Variants in HMSD observed in about 807,000 individuals in gnomAD.
The protein encoded by HMSD is serpin-like protein HMSD.
HMSD carries 13 observed loss-of-function variants against 10.0 expected under a neutral mutation model. The ratio of observed to expected loss-of-function variants is 1.31; its 90% confidence interval spans 0.85 to 2.08. The LOEUF (loss-of-function observed/expected upper bound fraction) is 2.08. Ranked by LOEUF, HMSD falls within the 30% of genes most tolerant of loss-of-function variation. The probability of loss-of-function intolerance (pLI) is 0.00; values close to 1 mark genes in which losing one functional copy is unlikely to be tolerated. For synonymous variants in HMSD, 51 were observed against 54.2 expected (o/e 0.94, Z 0.26); for missense variants, 169 against 166.3 (o/e 1.02, Z -0.09).
chr18:63,961,330 C>T lies in HMSD; in HGVS notation c.*975C>T, dbSNP rs1338969114. On this transcript the variant is annotated 3_prime_UTR_variant, in exon 4 of 4. Coordinates refer to ENST00000408945, the MANE Select transcript of HMSD (RefSeq NM_001123366.2). ...GACTTTAGCCATGTAAATCATAAAA[C>T]ATAGAGATAACAATATGCATATTGT... 1 of 151,986 alleles carries T rather than the reference C, an allele frequency of 6.6e-6. No homozygotes were observed. The highest frequency in any genetic ancestry group is 6.5e-5 in the Admixed American group (1 of 15,282). The allele number at this position is 151,986 out of a possible 1,614,324, so 9.4% of individuals were successfully genotyped here.
At chr18:63,968,059 C>G (rs2050417985) in intron 3 of HMSD, 1 of 152,216 alleles carries the variant, frequency 6.6e-6, no homozygotes, top group Non-Finnish European at 1.5e-5. Context: ...TTGGATTCAT[C>G]TTTGATTCTT....
rs1223022779 is a variant in HMSD, at chr18:63,961,557, C to G, written c.*1202C>G. ...CCTATTCACCCACTGAGCAGGAAGG[C>G]TCTTCCCCCTTCTAAGTTCCCTTAC... is the stretch of plus-strand genomic sequence containing the variant. On this transcript the variant is annotated 3_prime_UTR_variant, in exon 4 of 4. Coordinates refer to ENST00000408945, the MANE Select transcript of HMSD (RefSeq NM_001123366.2). The G allele has an allele frequency of 2.0e-5, 3 of 152,328 alleles. No individual in the cohort carries two copies. The highest frequency in any genetic ancestry group is 7.2e-5 in the African/African-American group (3 of 41,470). The allele number at this position is 152,328 out of a possible 1,614,324, so 9.4% of individuals were successfully genotyped here.
At chr18:63,955,793 A>C (rs1233238532) in intron 3 of HMSD, among the ~76,000 whole-genome samples, 1 of 152,188 alleles carries the variant, frequency 6.6e-6, no homozygotes, top group Non-Finnish European at 1.5e-5. Flanking sequence ...GCAGACAGGA[A>C]TGAATCTGGG....
rs368275650 is a variant in HMSD at position 63,950,406 on chromosome 18, ACTCT to A, written c.-103+1012_-103+1015del. ...ACTCCAGCCTGAGGGACAAAGCGAG[ACTCT>A]CTCTCAAAAAAAAAAAAAAAAAAAA... On this transcript the variant is annotated intron_variant, in intron 1 of 3. Coordinates refer to ENST00000408945, the MANE Select transcript of HMSD (RefSeq NM_001123366.2). 6.5e-3 allele frequency among the ~76,000 whole-genome samples: 762 copies of A among 118,104 alleles called. 17 individuals carry two copies. Among genetic ancestry groups the A allele is most frequent in the African/African-American group, 0.028 (719 of 25,810 alleles). The allele number at this position is 118,104 out of a possible 152,430, so 77.5% of individuals were successfully genotyped here.
intron 1 of HMSD, among the ~76,000 whole-genome samples, chr18:63,951,066 T>TA: frequency 6.6e-6 from 1 of 152,354 alleles, no homozygotes; most frequent in Middle Eastern, 3.4e-3. Context: ...AGTTGTATTT[T>TA]AAAACATGTT....
At chr18:63,957,414 A>C (rs769370507) in intron 3 of HMSD, among the ~76,000 whole-genome samples, 1 of 151,956 alleles carries the variant, frequency 6.6e-6, no homozygotes, top group Non-Finnish European at 1.5e-5. Flanking sequence ...ATCCTCTTAC[A>C]CATTTTTCTA....
Position 63,954,487 on chromosome 18 carries a change from G to T in HMSD, c.152G>T (p.Arg51Ile). 6.2e-7 allele frequency: 1 copy of T among 1,613,826 alleles called. No individual in the cohort carries two copies. The highest frequency in any genetic ancestry group is 8.5e-7 in the Non-Finnish European group (1 of 1,179,718). The change falls in exon 3 of 4, where the codon AGA becomes ATA. Residue 51 changes from arginine (R) to isoleucine (I), a missense_variant. Arg to Ile is a moderately conservative substitution (Grantham distance 97, BLOSUM62 -3). Transcript: ENST00000408945. ...CAGTCACTTCTTGTTGCAATTAACA[G>T]AACTGACACTGAATATGTGCTTAGA... The part of the protein sequence containing the change: ...GFQSLLVAIN[R>I]TDTEYVLRTA...
intron 3 of HMSD, among the ~76,000 whole-genome samples, chr18:63,954,775 A>G (rs1270599379): frequency 6.6e-6 from 1 of 152,242 alleles, no homozygotes; most frequent in Non-Finnish European, 1.5e-5. Context: ...AATCTTCATA[A>G]AAGAACTGAC....
chr18:63,966,539 C>T (rs1200390805), downstream of HMSD: 1 of 152,206 alleles, frequency 6.6e-6, no homozygotes, highest in Non-Finnish European at 1.5e-5. Context: ...TTAACTACAG[C>T]AAAACAGCAC....
At chr18:63,950,989 A>G (rs779992786) in intron 1 of HMSD, among the ~76,000 whole-genome samples, 3 of 152,250 alleles carry the variant, frequency 2.0e-5, no homozygotes, top group Non-Finnish European at 4.4e-5. Flanking sequence ...GAGTGAAGAT[A>G]AAGTGTATAA....
In HMSD at chr18:63,954,545, T is replaced by C. The variant is rs2050348078; in HGVS notation, c.210T>C (p.Tyr70=). 2 of 1,611,800 alleles carry C rather than the reference T, an allele frequency of 1.2e-6. No homozygotes were observed. Among genetic ancestry groups the C allele is most frequent in the South Asian group, 1.1e-5 (1 of 90,800 alleles). ...ACGGGCTCTTTGGAGAAAAGTCTTA[T>C]GATTTCCTCACAGTAAGTCATACTT... ...TANGLFGEKS[Y]DFLTGFTDSC... is the part of the protein sequence containing the mutation. Residue 70 remains tyrosine (Y), a synonymous_variant, in exon 3 of 4, where the codon TAT becomes TAC. Coordinates refer to ENST00000408945, the MANE Select transcript of HMSD (RefSeq NM_001123366.2).
chr18:63,968,324 G>A (rs564047987), intron 3 of HMSD: 1 of 152,216 alleles, frequency 6.6e-6, no homozygotes, highest in African/African-American at 2.4e-5. Flanking sequence ...AAATCCTTTT[G>A]TGTTTCCCCA....
chr18:63,958,826 G>T (rs540146023), intron 3 of HMSD, among the ~76,000 whole-genome samples: 1 of 152,046 alleles, frequency 6.6e-6, no homozygotes, highest in Admixed American at 6.5e-5. Context: ...GGACACTGCT[G>T]GTCTAGGATT....
At chr18:63,957,535 G>T (rs1005244984) in intron 3 of HMSD, among the ~76,000 whole-genome samples, 1 of 151,978 alleles carries the variant, frequency 6.6e-6, no homozygotes, top group African/African-American at 2.4e-5. Context: ...TAAATTAATT[G>T]TTTGCAAACA....
chr18:63,952,151 A>C, intron 1 of HMSD, among the ~76,000 whole-genome samples: 1 of 64,774 alleles, frequency 1.5e-5, no homozygotes. Flanking sequence ...GGGTGGGGGG[A>C]GGGGGGAGGG....
intron 3 of HMSD, among the ~76,000 whole-genome samples, chr18:63,967,379 C>G (rs944579805): frequency 1.3e-5 from 2 of 152,154 alleles, no homozygotes; most frequent in South Asian, 2.1e-4. Context: ...GGTGATCCGC[C>G]CGCCTCGGCC....
downstream of HMSD, among the ~76,000 whole-genome samples, chr18:63,962,616 G>A (rs2050391258): frequency 6.6e-6 from 1 of 152,150 alleles, no homozygotes; most frequent in East Asian, 1.9e-4. Context: ...CCTGAATGGA[G>A]GTCCTGAGAG....
At chr18:63,955,707 GTGAACAC>G (rs1354296669) in intron 3 of HMSD, among the ~76,000 whole-genome samples, 1 of 152,168 alleles carries the variant, frequency 6.6e-6, no homozygotes, top group Non-Finnish European at 1.5e-5. Context: ...AAAAGGGGTA[GTGAACAC>G]TGACCCTGAA....
downstream of HMSD, among the ~76,000 whole-genome samples, chr18:63,963,659 A>G (rs1460845230): frequency 1.3e-5 from 2 of 152,238 alleles, no homozygotes; most frequent in East Asian, 3.8e-4. Flanking sequence ...AGTAGTTATC[A>G]TCCAGATTTA....
Sources: allele counts gnomAD v4.1 joint callset (sites outside exome capture counted in the v4.1 genomes callset), GRCh38; gene constraint gnomAD v4.1.1; transcripts MANE v1.5; gene names NCBI Gene and HGNC (gene_info 2026-07-23, HGNC 2026-07-21).